The following DCC variants were observed in gnomAD, a reference collection of about 807,000 sequenced individuals.
DCC encodes DCC netrin 1 receptor, also known as netrin receptor DCC.
DCC carries 58 observed loss-of-function variants against 172.5 expected under a neutral mutation model. The ratio of observed to expected loss-of-function variants is 0.34; its 90% confidence interval spans 0.27 to 0.42. The LOEUF (loss-of-function observed/expected upper bound fraction) is 0.42. Ranked by LOEUF, DCC falls within the 10% of genes least tolerant of loss-of-function variation. The pLI, the probability that DCC is intolerant of heterozygous loss-of-function variation, is 1.00. For missense variants in DCC, 1,740 were observed against 1,791.0 expected, an observed-to-expected ratio of 0.97 and a Z score of 0.51; for synonymous variants, 709 against 644.5, an observed-to-expected ratio of 1.10 and a Z score of -1.52.
In DCC at chr18:53,205,334, C is replaced by T. The variant is rs765479469; in HGVS notation, c.1692C>T (p.Phe564=). 6.2e-7 allele frequency: 1 copy of T among 1,613,942 alleles called. No individual in the cohort carries two copies. The highest frequency in any genetic ancestry group is 8.5e-7 in the Non-Finnish European group (1 of 1,179,894). Residue 564 remains phenylalanine, a synonymous_variant, in exon 10 of 29, where the codon TTC becomes TTT. Coordinates refer to ENST00000442544, the MANE Select transcript of DCC (RefSeq NM_005215.4). ...ANGPVQGYRL[F]CTEVSTGKEQ... ...GTCCAGTCCAAGGTTACAGATTGTT[C>T]TGCACTGAGGTGTCCACAGGAAAAG...
At chr18:52,664,447 A>G (rs1410724223) in intron 1 of DCC, among the ~76,000 whole-genome samples, 2 of 151,100 alleles carry the variant, frequency 1.3e-5, no homozygotes, top group African/African-American at 2.4e-5. Context: ...AGTGGCCCCA[A>G]ATATCTTTTT....
chr18:52,919,891 G>A (rs1207519918), intron 3 of DCC, among the ~76,000 whole-genome samples: 1 of 151,674 alleles, frequency 6.6e-6, no homozygotes, highest in Non-Finnish European at 1.5e-5. Context: ...TAGATCCATG[G>A]AACAGAGGAG....
Position 53,356,326 on chromosome 18 carries a change from G to A in DCC, c.2359+16419G>A, listed in dbSNP as rs117203256. ...TTTTATCTGTCTCATTTCCAGGTCT[G>A]TTTCTATTTATTATGTTTTTTTCTT... is the stretch of plus-strand genomic sequence containing the variant. On this transcript the variant is annotated intron_variant, in intron 15 of 28. Coordinates refer to ENST00000442544, the MANE Select transcript of DCC (RefSeq NM_005215.4). 5.6e-3 allele frequency among the ~76,000 whole-genome samples: 848 copies of A among 151,880 alleles called. 6 individuals carry two copies. Among genetic ancestry groups the A allele is most frequent in the Admixed American group, 0.024 (372 of 15,248 alleles).
At chr18:52,739,899 T>C (rs183825890) in intron 1 of DCC, among the ~76,000 whole-genome samples, 30 of 152,302 alleles carry the variant, frequency 2.0e-4, no homozygotes, top group African/African-American at 6.0e-4. Context: ...ACAACCCACA[T>C]AGAGTCCCTC....
intron 7 of DCC, among the ~76,000 whole-genome samples, chr18:53,066,831 G>T (rs1252172823): frequency 2.0e-5 from 3 of 152,086 alleles, no homozygotes; most frequent in Non-Finnish European, 4.4e-5. Flanking sequence ...GAAGCATGAT[G>T]CTGGCCATCT....
At chr18:52,861,398 A>G (rs1223621376) in intron 2 of DCC, among the ~76,000 whole-genome samples, 1 of 152,224 alleles carries the variant, frequency 6.6e-6, no homozygotes, top group African/African-American at 2.4e-5. Flanking sequence ...AAGCCTTGGT[A>G]AAATAACTAG....
At chr18:52,355,013 A>G (rs1317759015) in intron 1 of DCC, among the ~76,000 whole-genome samples, 8 of 152,218 alleles carry the variant, frequency 5.3e-5, no homozygotes, top group Non-Finnish European at 1.2e-4. Context: ...GAATGCATAT[A>G]GGGCATTTGT....
At chr18:52,554,141 G>A (rs932913720) in intron 1 of DCC, among the ~76,000 whole-genome samples, 1 of 152,074 alleles carries the variant, frequency 6.6e-6, no homozygotes, top group Non-Finnish European at 1.5e-5. Context: ...GGTTAATTAG[G>A]CATTGTTGGA....
intron 12 of DCC, among the ~76,000 whole-genome samples, chr18:53,253,526 C>A (rs1000885941): frequency 1.3e-5 from 2 of 151,898 alleles, no homozygotes; most frequent in African/African-American, 4.8e-5. Flanking sequence ...AGTGGCGTAC[C>A]GCCTCAAATA....
chr18:52,773,914 G>A (rs2037384881), intron 2 of DCC, among the ~76,000 whole-genome samples: 1 of 152,128 alleles, frequency 6.6e-6, no homozygotes, highest in African/African-American at 2.4e-5. Context: ...GATACAGGGG[G>A]AAGACAGATG....
intron 27 of DCC, among the ~76,000 whole-genome samples, chr18:53,509,111 T>A (rs143500472): frequency 3.3e-4 from 51 of 152,294 alleles, no homozygotes; most frequent in African/African-American, 1.2e-3. Flanking sequence ...CAGCTCTAAC[T>A]TCCAGTTTAG....
At chr18:52,728,058 T>C (rs144569905) in intron 1 of DCC, among the ~76,000 whole-genome samples, 3 of 152,312 alleles carry the variant, frequency 2.0e-5, no homozygotes, top group African/African-American at 7.2e-5. Flanking sequence ...GGTCAGTGAT[T>C]GGATTACACT....
At chr18:52,989,492 CA>C (rs1358788301) in intron 5 of DCC, among the ~76,000 whole-genome samples, 7 of 152,110 alleles carry the variant, frequency 4.6e-5, no homozygotes, top group African/African-American at 1.7e-4. Flanking sequence ...CATGGCACTA[CA>C]GCCTGGGCGA....
intron 1 of DCC, among the ~76,000 whole-genome samples, chr18:52,501,135 A>G (rs1028762526): frequency 1.3e-5 from 2 of 152,118 alleles, no homozygotes; most frequent in Admixed American, 1.3e-4. Flanking sequence ...GCACGTTGGT[A>G]ATTTTATATT....
chr18:53,240,040 A>C (rs1401290993), intron 12 of DCC, among the ~76,000 whole-genome samples: 9 of 142,492 alleles, frequency 6.3e-5, no homozygotes, highest in South Asian at 2.5e-4. Flanking sequence ...AAAAAAAAAA[A>C]AAAAAAAAAA....
intron 5 of DCC, among the ~76,000 whole-genome samples, chr18:52,984,110 T>C (rs2041254355): frequency 6.6e-6 from 1 of 152,124 alleles, no homozygotes; most frequent in South Asian, 2.1e-4. Flanking sequence ...CAAATGTCTA[T>C]AAATATAAAT....
At chr18:52,744,814 C>G (rs948609833) in intron 1 of DCC, among the ~76,000 whole-genome samples, 2 of 152,166 alleles carry the variant, frequency 1.3e-5, no homozygotes, top group African/African-American at 4.8e-5. Flanking sequence ...AGGGGCAGAT[C>G]AGCCTGGTAA....
At chr18:53,044,459 C>T (rs1192312145) in intron 5 of DCC, among the ~76,000 whole-genome samples, 1 of 151,628 alleles carries the variant, frequency 6.6e-6, no homozygotes, top group Non-Finnish European at 1.5e-5. Flanking sequence ...CTGTGTGATG[C>T]CGTAGAAATA....
chr18:53,358,787 T>C (rs998684245), intron 15 of DCC, among the ~76,000 whole-genome samples: 3 of 152,084 alleles, frequency 2.0e-5, no homozygotes, highest in African/African-American at 7.2e-5. Flanking sequence ...CTCAAAGTCA[T>C]GGGACTACAG....
Sources: gnomAD v4.1 joint callset for allele counts (sites outside exome capture counted in the v4.1 genomes callset) on GRCh38, gnomAD v4.1.1 for gene constraint, MANE v1.5 for transcripts, NCBI Gene and HGNC (gene_info 2026-07-23, HGNC 2026-07-21) for gene names.